FAM228B: variants seen among roughly 807,000 people sequenced by gnomAD.
FAM228B encodes protein FAM228B.
A neutral mutation model predicts 42.6 loss-of-function variants in FAM228B; 38 were observed. That is an observed-to-expected ratio of 0.89 (90% CI 0.69 to 1.17). FAM228B has a LOEUF of 1.17. Ranked by LOEUF, FAM228B falls within the 50% of genes most tolerant of loss-of-function variation. The pLI is 0.00. For synonymous variants in FAM228B, 109 were observed against 122.3 expected, an observed-to-expected ratio of 0.89 and a Z score of 0.72; for missense variants, 344 against 367.3, an observed-to-expected ratio of 0.94 and a Z score of 0.52.
At chr2:24,121,857 T>A (rs1224604357), upstream of FAM228B, among the ~76,000 whole-genome samples, 1 of 152,104 alleles carries the variant, frequency 6.6e-6, no homozygotes, top group Non-Finnish European at 1.5e-5. Context: ...CTGCCATGAG[T>A]GGAAGCAGCC....
intron 3 of FAM228B, among the ~76,000 whole-genome samples, chr2:24,135,725 C>T (rs1284289212): frequency 1.3e-5 from 2 of 152,056 alleles, no homozygotes; most frequent in South Asian, 2.1e-4. Context: ...GGGAGGGACT[C>T]GGCCTAGCAG....
chr2:24,138,464 G>A (rs1193551118), intron 4 of FAM228B, among the ~76,000 whole-genome samples: 1 of 151,954 alleles, frequency 6.6e-6, no homozygotes, highest in Non-Finnish European at 1.5e-5. Flanking sequence ...AGCCTCCCAA[G>A]TAGCTGGAAT....
At position 24,164,224 on chromosome 2, in the gene FAM228B, G is replaced by C. The variant is rs752945265; in HGVS notation, c.821G>C (p.Arg274Thr). The change falls in exon 9 of 11, where the codon AGA becomes ACA. Residue 274 changes from arginine to threonine, a missense_variant. Transcript: ENST00000615575. ...AACAAAGGGTCATCCTTTCTAGAAA[G>C]AGAACCGCTGTGCTATCAGGAGGGA... The part of the protein sequence containing the change: ...YKNKGSSFLE[R>T]EPLCYQEGNN... 4.5e-6 allele frequency: 7 copies of C among 1,550,756 alleles called. No individual in the cohort carries two copies. Among genetic ancestry groups the C allele is most frequent in the South Asian group, 1.2e-5 (1 of 83,982 alleles).
At chr2:24,140,618 A>G (rs1406432627) in intron 5 of FAM228B, among the ~76,000 whole-genome samples, 1 of 152,140 alleles carries the variant, frequency 6.6e-6, no homozygotes, top group Non-Finnish European at 1.5e-5. Flanking sequence ...CAAGAATACA[A>G]TACCTTGTTA....
At chr2:24,097,451 C>CAAAAAAA (rs142500481) in intron 3 of FAM228B, 4 of 70,368 alleles carry the variant, frequency 5.7e-5, no homozygotes, top group Non-Finnish European at 8.0e-5. Context: ...AAATGGAAAG[C>CAAAAAAA]AAAAAAAAAA....
At chr2:24,123,820 G>C (rs1666218025) in intron 1 of FAM228B, among the ~76,000 whole-genome samples, 1 of 152,056 alleles carries the variant, frequency 6.6e-6, no homozygotes, top group African/African-American at 2.4e-5. Flanking sequence ...GAGTGGGCGC[G>C]ATGAGCGAGA....
At chr2:24,119,456 G>T, upstream of FAM228B, 1 of 684,750 alleles carries the variant, frequency 1.5e-6, no homozygotes, top group Non-Finnish European at 2.5e-6. Context: ...AATAACCTCA[G>T]CATCCTTCCA....
chr2:24,098,540 G>T (rs1237523073), intron 3 of FAM228B, among the ~76,000 whole-genome samples: 3 of 152,132 alleles, frequency 2.0e-5, no homozygotes, highest in African/African-American at 7.2e-5. Flanking sequence ...AGAAGAAATG[G>T]ATAAATTCCT....
intron 3 of FAM228B, among the ~76,000 whole-genome samples, chr2:24,137,209 G>A (rs980935167): frequency 3.3e-5 from 5 of 151,952 alleles, no homozygotes; most frequent in Non-Finnish European, 7.4e-5. Context: ...TACTTGGATC[G>A]TTTCCACCTT....
rs1160265119 is a variant in FAM228B, at chr2:24,080,896, G to A, written c.-269G>A. The A allele has an allele frequency of 1.2e-6, 2 of 1,614,058 alleles. No individual in the cohort carries two copies. Among genetic ancestry groups the A allele is most frequent in the Non-Finnish European group, 1.7e-6 (2 of 1,180,050 alleles). On this transcript the variant is annotated 5_prime_UTR_variant, in exon 2 of 11. Transcript: ENST00000613899. This position sits in a 1 kb window ranked among gnomAD's most constrained non-coding sequence, Gnocchi z 4.7. The stretch of plus-strand genomic sequence containing the variant: ...TCCAGCAGCTGCTCCAAGCTTTTCT[G>A]CCATTTGAAGCTTCTTCTGGGAGCC...
At chr2:24,137,803 G>C (rs1666626609) in intron 3 of FAM228B, 106 bp from the exon 4 acceptor site, 1 of 697,934 alleles carries the variant, frequency 1.4e-6, no homozygotes, top group African/African-American at 1.8e-5. Context: ...GTCTCTGTGG[G>C]TTATTCTTAG....
intron 1 of FAM228B, among the ~76,000 whole-genome samples, chr2:24,078,427 C>T (rs898387334): frequency 6.8e-6 from 1 of 146,532 alleles, no homozygotes; most frequent in Non-Finnish European, 1.5e-5. Flanking sequence ...ACCCAGGAGG[C>T]TGATTGTGCC....
At chr2:24,105,494 A>G (rs1215003972) in intron 3 of FAM228B, among the ~76,000 whole-genome samples, 1 of 152,270 alleles carries the variant, frequency 6.6e-6, no homozygotes, top group Admixed American at 6.5e-5. Context: ...TTGAAGGAAC[A>G]TCAGCCTACA....
At chr2:24,123,890 CGCTCAGAGCTCGA>C (rs1558381149) in intron 1 of FAM228B, among the ~76,000 whole-genome samples, 1 of 152,160 alleles carries the variant, frequency 6.6e-6, no homozygotes, top group African/African-American at 2.4e-5. Context: ...GACTTCGAGC[CGCTCAGAGCTCGA>C]AGACTCGCGC....
chr2:24,090,199 C>T (rs890043108), intron 2 of FAM228B, among the ~76,000 whole-genome samples: 3 of 151,904 alleles, frequency 2.0e-5, no homozygotes, highest in Non-Finnish European at 2.9e-5. Flanking sequence ...ACCCGGGAGG[C>T]GGAGCTTGCA....
chr2:24,085,571 G>GAT (rs1233544843), intron 2 of FAM228B: 1 of 152,110 alleles, frequency 6.6e-6, no homozygotes, highest in Non-Finnish European at 1.5e-5. Context: ...TCCCCCAAGT[G>GAT]ATATCCGACC....
chr2:24,079,130 T>G (rs1410607897), intron 1 of FAM228B: 1 of 267,320 alleles, frequency 3.7e-6, no homozygotes, highest in Non-Finnish European at 7.2e-6. Flanking sequence ...CTGAGATGAA[T>G]TCTGCCTTTG....
intron 2 of FAM228B, among the ~76,000 whole-genome samples, chr2:24,091,250 G>A (rs992499105): frequency 2.8e-4 from 43 of 152,224 alleles, no homozygotes; most frequent in African/African-American, 8.7e-4. Context: ...TGGCTAACAC[G>A]GTGAAACCCC....
chr2:24,122,672 G>C, upstream of FAM228B: 1 of 624,410 alleles, frequency 1.6e-6, no homozygotes, highest in South Asian at 2.2e-5. Flanking sequence ...AAAAGGTACA[G>C]GGTGAAAACG....
Sources: allele counts gnomAD v4.1 joint callset (sites outside exome capture counted in the v4.1 genomes callset), GRCh38; gene constraint gnomAD v4.1.1; non-coding constraint Gnocchi (gnomAD v3.1); transcripts MANE v1.5; gene names NCBI Gene and HGNC (gene_info 2026-07-23, HGNC 2026-07-21).